Variants in WWOX observed in about 807,000 individuals in gnomAD.
WWOX encodes WW domain containing oxidoreductase.
A neutral mutation model predicts 46.2 loss-of-function variants in WWOX; 69 were observed. The observed-to-expected ratio is 1.49, with a 90% confidence interval of 1.23 to 1.82. The LOEUF (loss-of-function observed/expected upper bound fraction) is 1.82, where lower values mean the gene tolerates loss of function less well. Ranked by LOEUF, WWOX falls within the 40% of genes most tolerant of loss-of-function variation. The pLI, the probability that WWOX is intolerant of heterozygous loss-of-function variation, is 0.00. For synonymous variants in WWOX, 359 were observed against 202.6 expected (o/e 1.77, Z -6.56); for missense variants, 919 against 542.6 (o/e 1.69, Z -6.89).
rs562608216 is a variant in WWOX, at chr16:78,224,756, A to C, written c.516+60467A>C. 2.6e-5 allele frequency among the ~76,000 whole-genome samples: 4 copies of C among 152,374 alleles called. No homozygotes were observed. In the East Asian group the frequency reaches 5.8e-4, roughly 22 times the overall value. ...TGAAATATTGAGGCTACTATTTTCC[A>C]GTATCTTCACTAGGAATAAGTAACG... On this transcript the variant is annotated intron_variant, in intron 5 of 8. Transcript: ENST00000566780.
At chr16:79,098,243 G>T (rs1049239092) in intron 8 of WWOX, among the ~76,000 whole-genome samples, 2 of 152,190 alleles carry the variant, frequency 1.3e-5, no homozygotes, top group Non-Finnish European at 2.9e-5. Context: ...GAAGCTCTAA[G>T]CAGAGGCACA....
intron 6 of WWOX, among the ~76,000 whole-genome samples, chr16:78,400,066 C>T (rs1276329202): frequency 2.0e-5 from 3 of 152,134 alleles, no homozygotes; most frequent in African/African-American, 4.8e-5. Context: ...GAATCTATTG[C>T]ATACCTTGTC....
At chr16:78,813,970 T>C (rs988338171) in intron 8 of WWOX, among the ~76,000 whole-genome samples, 14 of 152,162 alleles carry the variant, frequency 9.2e-5, no homozygotes, top group African/African-American at 3.4e-4. Flanking sequence ...CCCAATTCTA[T>C]AGGTTCTATT....
At chr16:79,194,523 G>C (rs973316987) in intron 8 of WWOX, among the ~76,000 whole-genome samples, 1 of 152,122 alleles carries the variant, frequency 6.6e-6, no homozygotes, top group Non-Finnish European at 1.5e-5. Context: ...GGTTTAACAA[G>C]TTTCCTGGCC....
chr16:79,129,265 T>A (rs2150691888), intron 8 of WWOX, among the ~76,000 whole-genome samples: 1 of 151,384 alleles, frequency 6.6e-6, no homozygotes, highest in African/African-American at 2.4e-5. Flanking sequence ...AGAGATGTAG[T>A]TTTAGCGTGC....
intron 8 of WWOX, among the ~76,000 whole-genome samples, chr16:78,981,418 G>A (rs2046679491): frequency 1.3e-5 from 2 of 150,594 alleles, no homozygotes; most frequent in South Asian, 4.3e-4. Flanking sequence ...ATCACATCCA[G>A]GATGATGTTT....
intron 4 of WWOX, among the ~76,000 whole-genome samples, chr16:78,153,700 A>G (rs2034497876): frequency 6.6e-6 from 1 of 152,172 alleles, no homozygotes; most frequent in African/African-American, 2.4e-5. Flanking sequence ...ACAATTATAA[A>G]TTAATAATAA....
intron 8 of WWOX, among the ~76,000 whole-genome samples, chr16:78,579,844 C>A (rs936762270): frequency 2.0e-5 from 3 of 152,140 alleles, no homozygotes; most frequent in Admixed American, 2.0e-4. Flanking sequence ...AATGTCTCTT[C>A]TTCTGAAATG....
intron 8 of WWOX, among the ~76,000 whole-genome samples, chr16:78,752,444 C>A (rs1184957377): frequency 1.3e-5 from 2 of 152,162 alleles, no homozygotes; most frequent in African/African-American, 4.8e-5. Context: ...CACACCACCA[C>A]ACCTGGCTAA....
At chr16:78,719,157 C>G (rs1377393067) in intron 8 of WWOX, among the ~76,000 whole-genome samples, 2 of 152,162 alleles carry the variant, frequency 1.3e-5, no homozygotes, top group Non-Finnish European at 2.9e-5. Flanking sequence ...TGGGTGATCT[C>G]TTTCTTCCCA....
intron 5 of WWOX, among the ~76,000 whole-genome samples, chr16:78,266,495 GTTC>G (rs1320016353): frequency 6.6e-6 from 1 of 152,124 alleles, no homozygotes; most frequent in Admixed American, 6.6e-5. Flanking sequence ...GTCTGCCTTT[GTTC>G]TTCTTATTTG....
chr16:78,364,020 A>G (rs1006936878), intron 5 of WWOX, among the ~76,000 whole-genome samples: 4 of 152,098 alleles, frequency 2.6e-5, no homozygotes, highest in African/African-American at 7.2e-5. Flanking sequence ...AAATGCTTAC[A>G]TTTTCTCTTG....
At chr16:79,177,833 C>G (rs1351387423) in intron 8 of WWOX, among the ~76,000 whole-genome samples, 1 of 152,160 alleles carries the variant, frequency 6.6e-6, no homozygotes, top group Non-Finnish European at 1.5e-5. Context: ...TACCATTTTC[C>G]TTACTTTGTT....
At chr16:78,814,633 T>A (rs989370814) in intron 8 of WWOX, among the ~76,000 whole-genome samples, 32 of 152,242 alleles carry the variant, frequency 2.1e-4, no homozygotes, top group Non-Finnish European at 4.7e-4. Context: ...GGTTCTTTTC[T>A]ATGGAATCAT....
chr16:78,385,134 A>AACAC (rs61262578), intron 5 of WWOX, among the ~76,000 whole-genome samples: 8,161 of 143,094 alleles, frequency 0.057, 344 homozygotes, highest in South Asian at 0.17. Flanking sequence ...ACTCCATCTA[A>AACAC]ACACACACAC....
At chr16:78,428,918 G>A (rs1367820563) in intron 7 of WWOX, among the ~76,000 whole-genome samples, 1 of 152,170 alleles carries the variant, frequency 6.6e-6, no homozygotes, top group Non-Finnish European at 1.5e-5. Flanking sequence ...ACATAGAAGA[G>A]TTGAACCTAG....
At chr16:78,213,474 C>G (rs575204786) in intron 5 of WWOX, among the ~76,000 whole-genome samples, 1 of 151,662 alleles carries the variant, frequency 6.6e-6, no homozygotes, top group East Asian at 2.0e-4. Flanking sequence ...ACTGTGTGCC[C>G]TAAAGAATTG....
chr16:79,158,520 C>T (rs1170835846), intron 8 of WWOX, among the ~76,000 whole-genome samples: 6 of 152,208 alleles, frequency 3.9e-5, no homozygotes, highest in African/African-American at 1.4e-4. Flanking sequence ...ATCCTGTCAG[C>T]AGGGGCTTGC....
chr16:79,190,459 G>C (rs1597460478), intron 8 of WWOX, among the ~76,000 whole-genome samples: 1 of 152,136 alleles, frequency 6.6e-6, no homozygotes, highest in African/African-American at 2.4e-5. Flanking sequence ...TGAAAATTCA[G>C]ACCCACAGAG....
Sources: allele counts gnomAD v4.1 joint callset (sites outside exome capture counted in the v4.1 genomes callset), GRCh38; gene constraint gnomAD v4.1.1; transcripts MANE v1.5; gene names NCBI Gene and HGNC (gene_info 2026-07-23, HGNC 2026-07-21).